RFLNA: variants seen among roughly 807,000 people sequenced by gnomAD.
The protein encoded by RFLNA is refilin-A.
RFLNA carries 5 observed loss-of-function variants against 7.8 expected under a neutral mutation model. The ratio of observed to expected loss-of-function variants is 0.64; its 90% CI spans 0.34 to 1.35. The LOEUF (loss-of-function observed/expected upper bound fraction) is 1.35. Ranked by LOEUF, RFLNA falls within the 40% of genes most tolerant of loss-of-function variation. The probability of loss-of-function intolerance (pLI) is 0.04; values close to 1 mark genes in which losing one functional copy is unlikely to be tolerated. For synonymous variants in RFLNA, 141 were observed against 131.3 expected, an observed-to-expected ratio of 1.07 and a Z score of -0.50; for missense variants, 278 against 305.5, an observed-to-expected ratio of 0.91 and a Z score of 0.67.
chr12:124,311,800 C>A lies in RFLNA; in HGVS notation c.208-18C>A. 1.3e-6 allele frequency: 2 copies of A among 1,556,194 alleles called. No homozygotes were observed. The highest frequency in any genetic ancestry group is 2.5e-5 in the East Asian group (1 of 40,580). ...AACAAGGGGCTGCATAACCCCGTGTCCCTGGCTCTCCCCACAGCCCCCCTC... is the reference window on the plus strand; with the variant it reads ...AACAAGGGGCTGCATAACCCCGTGTACCTGGCTCTCCCCACAGCCCCCCTC... On this transcript the variant is annotated intron_variant, in intron 1 of 2. Coordinates refer to ENST00000546355, the MANE Select transcript of RFLNA (RefSeq NM_001365156.1).
chr12:124,295,571 C>T lies in RFLNA; in HGVS notation c.142C>T (p.Leu48Phe). Reference sequence around the variant, plus strand: ...CTTCTACTCCCTGGCGCCCGGCATCCTCGACGCGCGCGCGGGGGGCGCCGG... The same window carrying T: ...CTTCTACTCCCTGGCGCCCGGCATCTTCGACGCGCGCGCGGGGGGCGCCGG... Reference protein sequence around the residue: ...PPFYSLAPGILDARAGGAGAS... With the variant: ...PPFYSLAPGIFDARAGGAGAS... Residue 48 changes from leucine (L) to phenylalanine (F), a missense_variant, in exon 1 of 3, where the codon CTC becomes TTC. Transcript: ENST00000546355. The T allele has an allele frequency of 4.1e-6, 5 of 1,220,324 alleles. No homozygotes were observed. Among genetic ancestry groups the T allele is most frequent in the Non-Finnish European group, 5.1e-6 (5 of 982,772 alleles). The allele number at this position is 1,220,324 out of a possible 1,614,324, so 75.6% of individuals were successfully genotyped here. A position where few individuals can be genotyped will look rare whatever the true frequency, so the allele number is the denominator to read the frequency against.
rs148586282 is a variant in RFLNA, at chr12:124,306,722, T to A, written c.208-5096T>A. On this transcript the variant is annotated intron_variant, in intron 1 of 2. Coordinates refer to ENST00000546355, the MANE Select transcript of RFLNA (RefSeq NM_001365156.1). This position sits in a 1 kb window ranked among gnomAD's most constrained non-coding sequence, Gnocchi z 5.2. Reference sequence around the variant, plus strand: ...ATAAGGATCAGATGAGTAGGATATGTGGCGAGTGCCCAGAATGGTGCCCGG... The same window carrying A: ...ATAAGGATCAGATGAGTAGGATATGAGGCGAGTGCCCAGAATGGTGCCCGG... Among the ~76,000 whole-genome samples the A allele has an allele frequency of 9.5e-3, 1,449 of 152,226 alleles. 15 individuals are homozygous for A. Among genetic ancestry groups the A allele is most frequent in the Non-Finnish European group, 0.016 (1,105 of 67,988 alleles).
chr12:124,313,479 C>G lies in RFLNA; in HGVS notation c.318-713C>G, dbSNP rs575677991. ...GGATCACGAGGTCAGGAGATCGAGA[C>G]CATCCTGGCTAACACGGTGAAACTC... On this transcript the variant is annotated intron_variant, in intron 2 of 2. Transcript: ENST00000546355. 1.2e-4 allele frequency among the ~76,000 whole-genome samples: 18 copies of G among 152,208 alleles called. No homozygotes were observed. In the South Asian group the frequency reaches 3.7e-3, roughly 32 times the overall value.
intron 1 of RFLNA, among the ~76,000 whole-genome samples, chr12:124,305,398 T>A (rs1016408178): frequency 6.6e-6 from 1 of 152,068 alleles, no homozygotes; most frequent in Non-Finnish European, 1.5e-5. Flanking sequence ...AGACGGGAAG[T>A]CATTGGCCCA....
At chr12:124,302,858 C>G (rs566051602) in intron 1 of RFLNA, among the ~76,000 whole-genome samples, 1 of 150,802 alleles carries the variant, frequency 6.6e-6, no homozygotes, top group Non-Finnish European at 1.5e-5. Context: ...GGTCAGGGGC[C>G]GAGGTCAGGG....
intron 1 of RFLNA, among the ~76,000 whole-genome samples, chr12:124,299,089 C>A (rs2033980050): frequency 6.6e-6 from 1 of 152,250 alleles, no homozygotes; most frequent in Non-Finnish European, 1.5e-5. Flanking sequence ...CTACTTGTGA[C>A]TGTTCTATTT....
chr12:124,314,108 G>C, intron 2 of RFLNA, 84 bp from the exon 3 acceptor site: 1 of 1,492,276 alleles, frequency 6.7e-7, no homozygotes, highest in East Asian at 2.4e-5. Flanking sequence ...ATCTGCCCAG[G>C]GCCCTTTCGT....
In RFLNA at chr12:124,295,625, G is replaced by A; in HGVS notation, c.196G>A (p.Glu66Lys). ...CTCCTCGGAGCCCCCGGGACCCAGC[G>A]AGGCCAGAGCGGTAAGGAGGCGCTC... Reference protein sequence around the residue: ...GASSEPPGPSEARAPPSQLPN... With the variant: ...GASSEPPGPSKARAPPSQLPN... Residue 66 changes from glutamate to lysine, a missense_variant, in exon 1 of 3, where the codon GAG becomes AAG. Glu to Lys is a moderately conservative substitution (Grantham distance 56, BLOSUM62 1). Coordinates refer to ENST00000546355, the MANE Select transcript of RFLNA (RefSeq NM_001365156.1). 5 of 1,215,758 alleles carry A rather than the reference G, an allele frequency of 4.1e-6. No homozygotes were observed. Among genetic ancestry groups the A allele is most frequent in the Non-Finnish European group, 5.1e-6 (5 of 979,484 alleles). The allele number at this position is 1,215,758 out of a possible 1,614,324, so 75.3% of individuals were successfully genotyped here. A position where few individuals can be genotyped will look rare whatever the true frequency, so the allele number is the denominator to read the frequency against.
chr12:124,296,100 C>CTT lies in RFLNA; in HGVS notation c.207+466_207+467dup, dbSNP rs747352455. On this transcript the variant is annotated intron_variant, in intron 1 of 2. Transcript: ENST00000546355. ...TCTTTCTTTCTTTCTTTCTTTCTTT[C>CTT]TTTCTTTCTTTCTTTCTTTCTTTCT... Among the ~76,000 whole-genome samples the CTT allele has an allele frequency of 8.3e-3, 43 of 5,178 alleles. 1 individual carries two copies. The highest frequency in any genetic ancestry group is 0.045 in the East Asian group (3 of 66). 3.4% of individuals were successfully genotyped at this position (5,178 alleles called of 152,430 possible).
At chr12:124,303,857 G>C (rs1037404518) in intron 1 of RFLNA, among the ~76,000 whole-genome samples, 18 of 152,198 alleles carry the variant, frequency 1.2e-4, no homozygotes, top group Non-Finnish European at 2.5e-4. Flanking sequence ...GGGGGTGGGG[G>C]TGGGGAGCGG....
chr12:124,306,497 T>G lies in RFLNA; in HGVS notation c.208-5321T>G, dbSNP rs371840545. ...GAGCCTGGAGCTGAGGGGGCAGCGA[T>G]GAGACAGGCCCCTGGGCATGAAAGG... On this transcript the variant is annotated intron_variant, in intron 1 of 2. Coordinates refer to ENST00000546355, the MANE Select transcript of RFLNA (RefSeq NM_001365156.1). The surrounding 1 kb of genome is among the most constrained non-coding windows in gnomAD (Gnocchi z 5.2). Among the ~76,000 whole-genome samples the G allele has an allele frequency of 1.1e-4, 17 of 151,770 alleles. No homozygotes were observed. The highest frequency in any genetic ancestry group is 1.5e-4 in the Non-Finnish European group (10 of 67,932).
intron 1 of RFLNA, among the ~76,000 whole-genome samples, chr12:124,299,936 C>T (rs949843668): frequency 5.3e-5 from 8 of 152,304 alleles, no homozygotes; most frequent in Non-Finnish European, 8.8e-5. Flanking sequence ...GGGTTGGCAT[C>T]GTGGAGGAAT....
In RFLNA at chr12:124,312,606, C is replaced by T. The variant is rs192415913; in HGVS notation, c.317+679C>T. Among the ~76,000 whole-genome samples the T allele has an allele frequency of 7.9e-5, 12 of 152,270 alleles. 1 individual carries two copies. The highest frequency in any genetic ancestry group is 2.9e-4 in the African/African-American group (12 of 41,556). On this transcript the variant is annotated intron_variant, in intron 2 of 2. Coordinates refer to ENST00000546355, the MANE Select transcript of RFLNA (RefSeq NM_001365156.1). Reference sequence around the variant, plus strand: ...GATGACAGGTGTGAGTCACCATGCCCAGCCCCTGACAGATTGTTAGGTATT... The same window carrying T: ...GATGACAGGTGTGAGTCACCATGCCTAGCCCCTGACAGATTGTTAGGTATT...
At chr12:124,299,116 A>G (rs2033980389) in intron 1 of RFLNA, among the ~76,000 whole-genome samples, 1 of 152,268 alleles carries the variant, frequency 6.6e-6, no homozygotes, top group South Asian at 2.1e-4. Context: ...TTAAAAAGCC[A>G]TCATGAGCTT....
At chr12:124,292,186 A>C (rs934290998), upstream of RFLNA, among the ~76,000 whole-genome samples, 1 of 151,762 alleles carries the variant, frequency 6.6e-6, no homozygotes, top group Admixed American at 6.6e-5. Flanking sequence ...CTGCTTCAAA[A>C]CCTCTGCAGA....
chr12:124,305,971 C>T (rs11057576), intron 1 of RFLNA, among the ~76,000 whole-genome samples: 116,415 of 152,132 alleles, frequency 0.77, 46,798 homozygotes, highest in Non-Finnish European at 0.9. Context: ...CTTCAGTCCT[C>T]GATCCTCTCC....
In RFLNA at chr12:124,304,084, G is replaced by T. The variant is rs187537736; in HGVS notation, c.208-7734G>T. ...CCGCAGTCTGCCTTCTTGGCCGCGA[G>T]AGGCACTTCCCTTGCCCACTCCCCA... is the stretch of plus-strand genomic sequence containing the variant. On this transcript the variant is annotated intron_variant, in intron 1 of 2. Coordinates refer to ENST00000546355, the MANE Select transcript of RFLNA (RefSeq NM_001365156.1). 9.9e-3 allele frequency among the ~76,000 whole-genome samples: 1,509 copies of T among 152,378 alleles called. 18 individuals are homozygous for T. Among genetic ancestry groups the T allele is most frequent in the Middle Eastern group, 0.054 (16 of 294 alleles).
intron 1 of RFLNA, among the ~76,000 whole-genome samples, chr12:124,296,664 G>A (rs942951529): frequency 6.6e-6 from 1 of 152,174 alleles, no homozygotes; most frequent in South Asian, 2.1e-4. Flanking sequence ...GCGGCTCCCC[G>A]GCCTCAAGCC....
At chr12:124,304,079 C>T (rs1343293421) in intron 1 of RFLNA, among the ~76,000 whole-genome samples, 3 of 152,244 alleles carry the variant, frequency 2.0e-5, no homozygotes, top group South Asian at 4.1e-4. Flanking sequence ...CCTTCTTGGC[C>T]GCGAGAGGCA....
Sources: allele counts gnomAD v4.1 joint callset (sites outside exome capture counted in the v4.1 genomes callset), GRCh38; gene constraint gnomAD v4.1.1; non-coding constraint Gnocchi (gnomAD v3.1); transcripts MANE v1.5; gene names NCBI Gene and HGNC (gene_info 2026-07-23, HGNC 2026-07-21).